The following NRXN2 variants were observed in gnomAD, a reference collection of about 807,000 sequenced individuals.
The protein encoded by NRXN2 is neurexin-2-beta.
Under a neutral mutation model 128.8 loss-of-function variants are expected in NRXN2, and 29 were observed. The observed-to-expected ratio is 0.23, with a 90% CI of 0.17 to 0.31. The LOEUF (loss-of-function observed/expected upper bound fraction) is 0.31. NRXN2 is among the 10% of genes least tolerant of loss of function. The pLI is 1.00. For synonymous variants in NRXN2, 1,098 were observed against 1,075.2 expected, an observed-to-expected ratio of 1.02 and a Z score of -0.41; for missense variants, 1,881 against 2,452.6, an observed-to-expected ratio of 0.77 and a Z score of 4.92.
At chr11:64,694,908 C>T (rs1396752898) in intron 3 of NRXN2, among the ~76,000 whole-genome samples, 1 of 152,150 alleles carries the variant, frequency 6.6e-6, no homozygotes, top group African/African-American at 2.4e-5. Context: ...TCCCACAGGC[C>T]TGACTGCTGC....
intron 11 of NRXN2, among the ~76,000 whole-genome samples, chr11:64,658,180 G>A (rs549673632): frequency 1.3e-5 from 2 of 152,264 alleles, no homozygotes; most frequent in Admixed American, 1.3e-4. Context: ...GCAGATCCAA[G>A]GCCCCAGATT....
At position 64,623,096 on chromosome 11, in the gene NRXN2, G is replaced by A; in HGVS notation, c.3848-18C>T. The A allele has an allele frequency of 1.9e-6, 3 of 1,587,456 alleles. No homozygotes were observed. Among genetic ancestry groups the A allele is most frequent in the South Asian group, 2.3e-5 (2 of 87,972 alleles). ...CTGGCGGCCTTGCAGGAGTGGAAGGGGGTGACAGAGAAGGGGCAGGCAGTG... is the reference window on the plus strand; with the variant it reads ...CTGGCGGCCTTGCAGGAGTGGAAGGAGGTGACAGAGAAGGGGCAGGCAGTG... On this transcript the variant is annotated intron_variant, in intron 20 of 22. Transcript: ENST00000265459. This position sits in a 1 kb window ranked among gnomAD's most constrained non-coding sequence, Gnocchi z 4.9.
rs1414941473 is a variant in NRXN2, at chr11:64,652,213, A to G, written c.2417-59T>C. 17 of 1,562,250 alleles carry G rather than the reference A, an allele frequency of 1.1e-5. No individual in the cohort carries two copies. The Middle Eastern group carries it at 5.0e-4, about 46-fold the overall frequency. On this transcript the variant is annotated intron_variant, in intron 12 of 22. Coordinates refer to ENST00000265459, the MANE Select transcript of NRXN2 (RefSeq NM_015080.4). ...TATACATGCTCATAGGTGACTTCCT[A>G]TATCACCTTGGATACACAGACAGCC...
In NRXN2 at chr11:64,623,131, C is replaced by T; in HGVS notation, c.3848-53G>A. 1 of 1,550,464 alleles carries T rather than the reference C, an allele frequency of 6.4e-7. No homozygotes were observed. On this transcript the variant is annotated intron_variant, in intron 20 of 22. Coordinates refer to ENST00000265459, the MANE Select transcript of NRXN2 (RefSeq NM_015080.4). The surrounding 1 kb of genome is among the most constrained non-coding windows in gnomAD (Gnocchi z 4.9). ...GAAGGGGCAGGCAGTGAGGGGAGAC[C>T]AGGAAGGGAAGGAAGAAAAGAAGGA...
At chr11:64,614,496 A>G (rs2041164864) in intron 22 of NRXN2, among the ~76,000 whole-genome samples, 1 of 152,170 alleles carries the variant, frequency 6.6e-6, no homozygotes, top group Non-Finnish European at 1.5e-5. Context: ...GGCCATGGAG[A>G]AGGAGGACTG....
chr11:64,633,408 T>A (rs1256068714), intron 18 of NRXN2, among the ~76,000 whole-genome samples: 1 of 152,214 alleles, frequency 6.6e-6, no homozygotes, highest in Non-Finnish European at 1.5e-5. Context: ...CCTCTTCCTA[T>A]GCCACTCCAT....
intron 3 of NRXN2, among the ~76,000 whole-genome samples, chr11:64,696,690 T>G (rs2054597169): frequency 6.6e-6 from 1 of 152,114 alleles, no homozygotes; most frequent in Non-Finnish European, 1.5e-5. Flanking sequence ...AAGAGCCTCT[T>G]GCTGCCTTTC....
chr11:64,654,964 G>A (rs2048034213), intron 11 of NRXN2, among the ~76,000 whole-genome samples: 1 of 152,198 alleles, frequency 6.6e-6, no homozygotes, highest in Non-Finnish European at 1.5e-5. Context: ...GTAGGCAGCA[G>A]GTAGACACTG....
intron 6 of NRXN2, 39 bp from the exon 7 acceptor site, chr11:64,677,076 G>A (rs1303504967): frequency 1.6e-6 from 2 of 1,224,780 alleles, no homozygotes; most frequent in Non-Finnish European, 2.2e-6. Flanking sequence ...GGAGGGGGGT[G>A]TCAAAAAACA....
At chr11:64,663,012 G>T (rs1052912029) in intron 9 of NRXN2, among the ~76,000 whole-genome samples, 1 of 152,048 alleles carries the variant, frequency 6.6e-6, no homozygotes, top group Admixed American at 6.6e-5. Context: ...AACCCAAGAG[G>T]GAAGAACTGG....
At chr11:64,670,751 T>C (rs1039799265) in intron 7 of NRXN2, among the ~76,000 whole-genome samples, 2 of 152,114 alleles carry the variant, frequency 1.3e-5, no homozygotes, top group African/African-American at 4.8e-5. Context: ...TCCCCATCTA[T>C]GAACCTAATA....
chr11:64,716,928 C>T (rs1157204632), intron 1 of NRXN2, among the ~76,000 whole-genome samples: 1 of 152,128 alleles, frequency 6.6e-6, no homozygotes, highest in East Asian at 1.9e-4. Flanking sequence ...CTTCCCCTCG[C>T]CTTTCCCCTC....
chr11:64,700,767 T>G (rs1453223439), intron 2 of NRXN2, among the ~76,000 whole-genome samples: 1 of 152,216 alleles, frequency 6.6e-6, no homozygotes, highest in African/African-American at 2.4e-5. Context: ...TCAGTGTTTC[T>G]GATACAAACC....
At position 64,645,326 on chromosome 11, in the gene NRXN2, G is replaced by A. The variant is rs1410114763; in HGVS notation, c.3403+2893C>T. Among the ~76,000 whole-genome samples, 3 of 152,118 alleles carry A rather than the reference G, an allele frequency of 2.0e-5. No homozygotes were observed. In the East Asian group the frequency reaches 5.8e-4, roughly 29 times the overall value. On this transcript the variant is annotated intron_variant, in intron 17 of 22. Coordinates refer to ENST00000265459, the MANE Select transcript of NRXN2 (RefSeq NM_015080.4). ...GTGGGAACTGGAGAGAGATGGGGGG[G>A]CCAAGGCTGAGAAGGGAGGGGGAGA...
At chr11:64,640,299 C>T (rs1474871005) in intron 17 of NRXN2, among the ~76,000 whole-genome samples, 1 of 152,228 alleles carries the variant, frequency 6.6e-6, no homozygotes, top group African/African-American at 2.4e-5. Flanking sequence ...CACTCTGGCT[C>T]CCAGGCCCTC....
intron 22 of NRXN2, 97 bp downstream of exon 22, chr11:64,620,190 TGGCAGCA>T (rs2042107434): frequency 4.6e-6 from 4 of 867,402 alleles, no homozygotes; most frequent in South Asian, 1.4e-5. Context: ...AGCTAAGGCC[TGGCAGCA>T]GGCCCTGGGG....
chr11:64,671,557 C>T (rs1331982015), intron 7 of NRXN2, among the ~76,000 whole-genome samples: 2 of 152,022 alleles, frequency 1.3e-5, no homozygotes, highest in African/African-American at 4.8e-5. Context: ...AGGGAGGGGG[C>T]CGTGCGACAC....
intron 2 of NRXN2, among the ~76,000 whole-genome samples, chr11:64,705,470 TTC>T (rs1255925156): frequency 6.7e-6 from 1 of 150,068 alleles, no homozygotes; most frequent in African/African-American, 2.4e-5. Flanking sequence ...TGTGATCCAA[TTC>T]TCTGTGTTCC....
intron 2 of NRXN2, among the ~76,000 whole-genome samples, chr11:64,698,152 C>G (rs2054818788): frequency 6.6e-6 from 1 of 152,168 alleles, no homozygotes; most frequent in Non-Finnish European, 1.5e-5. Flanking sequence ...TCTCAACTTC[C>G]CCAGAGAGGC....
Sources: gnomAD v4.1 joint callset for allele counts (sites outside exome capture counted in the v4.1 genomes callset) on GRCh38, gnomAD v4.1.1 for gene constraint, Gnocchi (gnomAD v3.1) non-coding constraint, MANE v1.5 for transcripts, NCBI Gene and HGNC (gene_info 2026-07-23, HGNC 2026-07-21) for gene names.